Variants in DDX17 observed in about 807,000 individuals in gnomAD.
DDX17 encodes probable ATP-dependent RNA helicase DDX17.
In DDX17, 10 loss-of-function variants were observed where a neutral mutation model predicts 80.8. The ratio of observed to expected loss-of-function variants is 0.12; its 90% CI spans 0.08 to 0.21. DDX17 has a LOEUF of 0.21. Ranked by LOEUF, DDX17 falls within the 10% of genes least tolerant of loss-of-function variation. The probability of loss-of-function intolerance (pLI) is 1.00; values close to 1 mark genes in which losing one functional copy is unlikely to be tolerated. For missense variants in DDX17, 586 were observed against 957.4 expected, an observed-to-expected ratio of 0.61 and a Z score of 5.12; for synonymous variants, 339 against 336.2, an observed-to-expected ratio of 1.01 and a Z score of -0.09.
intron 11 of DDX17, chr22:38,488,841 A>C (rs1263311484): frequency 1.0e-6 from 1 of 985,256 alleles, no homozygotes; most frequent in Non-Finnish European, 1.2e-6. Flanking sequence ...CAAAATGAGG[A>C]TATTTTTGCT....
intron 1 of DDX17, among the ~76,000 whole-genome samples, chr22:38,503,018 T>C (rs746190884): frequency 6.6e-6 from 1 of 152,196 alleles, no homozygotes; most frequent in African/African-American, 2.4e-5. Context: ...GGAGATTTTA[T>C]TGGGATCACT....
rs901698228 is a variant in DDX17, at chr22:38,484,649, A to C, written c.*1286T>G. On this transcript the variant is annotated 3_prime_UTR_variant, in exon 13 of 13. Transcript: ENST00000403230. ...ATAGCAGAAAATTCTTTCTGGGTCCATCTGCTATAAAGTCTTGGTAAAACA... is the reference window on the plus strand; with the variant it reads ...ATAGCAGAAAATTCTTTCTGGGTCCCTCTGCTATAAAGTCTTGGTAAAACA... 6.6e-6 allele frequency: 1 copy of C among 152,252 alleles called. No homozygotes were observed. Among genetic ancestry groups the C allele is most frequent in the Non-Finnish European group, 1.5e-5 (1 of 68,048 alleles). 9.4% of individuals were successfully genotyped at this position (152,252 alleles called of 1,614,324 possible). A position where few individuals can be genotyped will look rare whatever the true frequency, so the allele number is the denominator to read the frequency against.
At position 38,501,160 on chromosome 22, in the gene DDX17, C is replaced by T; in HGVS notation, c.408G>A (p.Val136=). ...TCAGCCTTGCTACTTCCGGATGTTC[C>T]ACATAAAAATTTTTCTCAAACTTGG... is the stretch of plus-strand genomic sequence containing the variant. The change falls in exon 2 of 13, where the codon GTG becomes GTA. Residue 136 remains valine, a synonymous_variant. Transcript: ENST00000403230. The T allele has an allele frequency of 6.2e-7, 1 of 1,613,738 alleles. No homozygotes were observed. Among genetic ancestry groups the T allele is most frequent in the Non-Finnish European group, 8.5e-7 (1 of 1,179,918 alleles).
chr22:38,495,191 A>G (rs934560351), intron 6 of DDX17, 145 bp from the exon 7 acceptor site: 35 of 705,934 alleles, frequency 5.0e-5, no homozygotes, highest in Non-Finnish European at 7.8e-5. Context: ...CCCCGACTCT[A>G]CAAAAATGCA....
At chr22:38,499,001 A>C (rs2089799431) in intron 3 of DDX17, among the ~76,000 whole-genome samples, 2 of 152,284 alleles carry the variant, frequency 1.3e-5, no homozygotes, top group South Asian at 4.1e-4. Flanking sequence ...GACAACGTTG[A>C]GACTCCGTTT....
chr22:38,501,122 A>C lies in DDX17; in HGVS notation c.438+8T>G, dbSNP rs2089826444. The C allele has an allele frequency of 6.2e-7, 1 of 1,613,284 alleles. No individual in the cohort carries two copies. The highest frequency in any genetic ancestry group is 8.5e-7 in the Non-Finnish European group (1 of 1,179,832). ...AATCTGTACATTAAAACACACATGT[A>C]AACTTACTGGTGTCAGCCTTGCTAC... On this transcript the variant is annotated splice_region_variant and intron_variant, in intron 2 of 12. Coordinates refer to ENST00000403230, the MANE Select transcript of DDX17 (RefSeq NM_006386.5).
At chr22:38,497,314 A>AC (rs1311278860) in intron 5 of DDX17, among the ~76,000 whole-genome samples, 5 of 147,690 alleles carry the variant, frequency 3.4e-5, no homozygotes, top group African/African-American at 1.2e-4. Context: ...AAAAAAAAAA[A>AC]AAAAAAAAGT....
At chr22:38,501,462 CAATA>C (rs964176952) in intron 1 of DDX17, among the ~76,000 whole-genome samples, 182 bp from the exon 2 acceptor site, 4 of 152,126 alleles carry the variant, frequency 2.6e-5, no homozygotes, top group Non-Finnish European at 5.9e-5. Context: ...TACTACCCAA[CAATA>C]AATACTGTTT....
chr22:38,501,470 ACT>A lies in DDX17; in HGVS notation c.288-192_288-191del, dbSNP rs77657620. 1.8e-4 allele frequency among the ~76,000 whole-genome samples: 28 copies of A among 152,358 alleles called. 1 individual carries two copies. In the East Asian group the frequency reaches 5.4e-3, roughly 29 times the overall value. Reference sequence around the variant, plus strand: ...CCTCCCTTACTACCCAACAATAAATACTGTTTATGAATATAGCTACAATAGGC... The same window carrying A: ...CCTCCCTTACTACCCAACAATAAATAGTTTATGAATATAGCTACAATAGGC... On this transcript the variant is annotated intron_variant, in intron 1 of 12. Transcript: ENST00000403230.
intron 1 of DDX17, chr22:38,505,655 G>C (rs1482836825): frequency 2.5e-6 from 1 of 393,106 alleles, no homozygotes; most frequent in Non-Finnish European, 4.5e-6. Context: ...CCCGGGCCTG[G>C]GCTGATGCGG....
Position 38,501,113 on chromosome 22 carries a change from C to A in DDX17, c.438+17G>T. On this transcript the variant is annotated intron_variant, in intron 2 of 12. Coordinates refer to ENST00000403230, the MANE Select transcript of DDX17 (RefSeq NM_006386.5). The stretch of plus-strand genomic sequence containing the variant: ...TGGTTCAATAATCTGTACATTAAAA[C>A]ACACATGTAAACTTACTGGTGTCAG... The A allele has an allele frequency of 6.2e-7, 1 of 1,609,874 alleles. No individual in the cohort carries two copies. The highest frequency in any genetic ancestry group is 8.5e-7 in the Non-Finnish European group (1 of 1,178,782).
chr22:38,495,120 AAG>A, intron 6 of DDX17, 74 bp from the exon 7 acceptor site: 2 of 1,473,936 alleles, frequency 1.4e-6, no homozygotes, highest in Non-Finnish European at 1.8e-6. Context: ...GCACTTTGGG[AAG>A]AGGAGGCGGG....
rs201173235 is a variant in DDX17, at chr22:38,495,979, TAAAAAAAAAAAA to T, written c.739-54_739-43del. ...GACACTTGAGACCTCATCCAAGGTT[TAAAAAAAAAAAA>T]AAAAAAAAGAAGAAACAAAATACAA... is the stretch of plus-strand genomic sequence containing the variant. On this transcript the variant is annotated intron_variant, in intron 5 of 12. Transcript: ENST00000403230. 6 of 803,316 alleles carry T rather than the reference TAAAAAAAAAAAA, an allele frequency of 7.5e-6. No homozygotes were observed. In the Admixed American group the frequency reaches 1.3e-4, roughly 18 times the overall value. 49.8% of individuals were successfully genotyped at this position (803,316 alleles called of 1,614,324 possible). A position where few individuals can be genotyped will look rare whatever the true frequency, so the allele number is the denominator to read the frequency against.
In DDX17 at chr22:38,494,700, G is replaced by A. The variant is rs781531935; in HGVS notation, c.1144C>T (p.Leu382=). 5 of 1,614,098 alleles carry A rather than the reference G, an allele frequency of 3.1e-6. No individual in the cohort carries two copies. The South Asian group carries it at 3.3e-5, about 11-fold the overall frequency. ...ATGTTGTGGTTGGCACTCAACTCCA[G>A]ATTGCCTACGTTGATCTGGGTGTAA... The change falls in exon 8 of 13, where the codon CTG becomes TTG. Residue 382 remains leucine, a synonymous_variant. Transcript: ENST00000403230.
In DDX17 at chr22:38,498,062, CAAAG is replaced by C. The variant is rs2089788570; in HGVS notation, c.738+19_738+22del. On this transcript the variant is annotated intron_variant, in intron 5 of 12. Transcript: ENST00000403230. Reference sequence around the variant, plus strand: ...TAAATTGTAGTTTTTCTTAGAATTACAAAGAAACTGAAACACACTTACGATTGGG... The same window carrying C: ...TAAATTGTAGTTTTTCTTAGAATTACAAACTGAAACACACTTACGATTGGG... 1 of 1,609,662 alleles carries C rather than the reference CAAAG, an allele frequency of 6.2e-7. No homozygotes were observed. The highest frequency in any genetic ancestry group is 1.7e-4 in the Middle Eastern group (1 of 6,034).
At chr22:38,500,283 C>G (rs1189944372) in intron 2 of DDX17, among the ~76,000 whole-genome samples, 1 of 151,850 alleles carries the variant, frequency 6.6e-6, no homozygotes, top group Non-Finnish European at 1.5e-5. Context: ...GCATTATCAA[C>G]AAGAGAACAA....
In DDX17 at chr22:38,506,063, G is replaced by A. The variant is rs573402794; in HGVS notation, c.175C>T (p.Pro59Ser). 5 of 1,584,958 alleles carry A rather than the reference G, an allele frequency of 3.2e-6. No individual in the cohort carries two copies. The East Asian group carries it at 9.2e-5, about 29-fold the overall frequency. ...ATGGCCGGGCTCGGGAGGGCCTGCG[G>A]CTCCGGTCTGGTGACGACCGATGGC... The change falls in exon 1 of 13, where the codon CCG (proline) becomes TCG (serine). Residue 59 changes from proline (P) to serine (S), a missense_variant. Physicochemically the swap from Pro to Ser is moderately conservative, Grantham distance 74 (BLOSUM62 -1). Transcript: ENST00000403230.
intron 3 of DDX17, 53 bp from the exon 4 acceptor site, chr22:38,498,626 A>C (rs1034960415): frequency 1.3e-6 from 2 of 1,591,008 alleles, no homozygotes; most frequent in Non-Finnish European, 1.7e-6. Context: ...ACACAAACCA[A>C]GAGTTTTTAA....
At chr22:38,505,732 G>C (rs896183453) in intron 1 of DDX17, 1 of 546,622 alleles carries the variant, frequency 1.8e-6, no homozygotes, top group Non-Finnish European at 3.1e-6. Flanking sequence ...ACGGCCGTCC[G>C]CACGGAGAGG....
Sources: gnomAD v4.1 joint callset for allele counts (sites outside exome capture counted in the v4.1 genomes callset) on GRCh38, gnomAD v4.1.1 for gene constraint, MANE v1.5 for transcripts, NCBI Gene and HGNC (gene_info 2026-07-23, HGNC 2026-07-21) for gene names.